GALNT17: variants seen among roughly 807,000 people sequenced by gnomAD.
GALNT17 encodes the protein UDP-GalNAc:polypeptide N-acetylgalactosaminyltransferase-like 3.
A neutral mutation model predicts 63.7 loss-of-function variants in GALNT17; 29 were observed. That is an observed-to-expected ratio of 0.46 (90% confidence interval 0.34 to 0.62). The LOEUF (loss-of-function observed/expected upper bound fraction) is 0.62. Among genes scored for constraint, GALNT17 ranks in the 20% least tolerant of loss-of-function variants. The pLI, the probability that GALNT17 is intolerant of heterozygous loss-of-function variation, is 0.01. For synonymous variants in GALNT17, 305 were observed against 318.3 expected (o/e 0.96, Z 0.45); for missense variants, 603 against 799.6 (o/e 0.75, Z 2.97).
intron 1 of GALNT17, among the ~76,000 whole-genome samples, chr7:71,237,590 T>A (rs180954363): frequency 1.3e-5 from 2 of 149,154 alleles, no homozygotes; most frequent in East Asian, 4.0e-4. Context: ...GAGGCTGACA[T>A]GGGAGGACTG....
At chr7:71,237,223 C>T (rs1302283046) in intron 1 of GALNT17, among the ~76,000 whole-genome samples, 1 of 152,088 alleles carries the variant, frequency 6.6e-6, no homozygotes, top group East Asian at 1.9e-4. Context: ...GTAGGCATTC[C>T]CCCGGCAAGT....
chr7:71,334,170 C>G (rs1791856979), intron 1 of GALNT17, among the ~76,000 whole-genome samples: 1 of 152,180 alleles, frequency 6.6e-6, no homozygotes, highest in African/African-American at 2.4e-5. Flanking sequence ...CTCGTTCAAC[C>G]TTTGCTTTTG....
chr7:71,586,294 T>G (rs994122972), intron 6 of GALNT17, among the ~76,000 whole-genome samples: 4 of 152,226 alleles, frequency 2.6e-5, no homozygotes, highest in Non-Finnish European at 5.9e-5. Flanking sequence ...TGTATCTGAC[T>G]TCTTTCAACT....
intron 1 of GALNT17, among the ~76,000 whole-genome samples, chr7:71,252,168 A>G (rs59927010): frequency 0.028 from 4,274 of 151,734 alleles, 206 homozygotes; most frequent in African/African-American, 0.098. Context: ...AAGCATTGCT[A>G]TAACAGAAGT....
chr7:71,668,583 G>C (rs1316751854), intron 7 of GALNT17, among the ~76,000 whole-genome samples: 1 of 144,764 alleles, frequency 6.9e-6, no homozygotes, highest in East Asian at 2.1e-4. Flanking sequence ...AGAGTTAAAA[G>C]TTACTGCTCA....
At chr7:71,565,542 C>T (rs1365274995) in intron 5 of GALNT17, among the ~76,000 whole-genome samples, 1 of 149,172 alleles carries the variant, frequency 6.7e-6, no homozygotes, top group African/African-American at 2.5e-5. Flanking sequence ...CCCTGATACC[C>T]AGTTGGTCCC....
At chr7:71,630,195 A>G (rs1246530000) in intron 6 of GALNT17, among the ~76,000 whole-genome samples, 2 of 152,168 alleles carry the variant, frequency 1.3e-5, no homozygotes, top group African/African-American at 4.8e-5. Context: ...GGTGTGAGCC[A>G]CTACACCAGG....
At chr7:71,638,396 A>C (rs1487002960) in intron 6 of GALNT17, among the ~76,000 whole-genome samples, 1 of 152,220 alleles carries the variant, frequency 6.6e-6, no homozygotes, top group Admixed American at 6.5e-5. Context: ...CCCATCCCCT[A>C]TTCAAGATGG....
At chr7:71,470,870 A>C (rs1336460345) in intron 5 of GALNT17, among the ~76,000 whole-genome samples, 1 of 152,100 alleles carries the variant, frequency 6.6e-6, no homozygotes, top group East Asian at 1.9e-4. Flanking sequence ...AAATTCATTA[A>C]ATTTGAGATG....
chr7:71,261,329 A>G (rs1233171816), intron 1 of GALNT17, among the ~76,000 whole-genome samples: 2 of 152,112 alleles, frequency 1.3e-5, no homozygotes, highest in East Asian at 3.9e-4. Context: ...GTGCTTGAGG[A>G]AGTTATTTGA....
At chr7:71,397,539 C>G (rs1280103523) in intron 3 of GALNT17, among the ~76,000 whole-genome samples, 1 of 152,120 alleles carries the variant, frequency 6.6e-6, no homozygotes, top group Non-Finnish European at 1.5e-5. Context: ...TATACTCATT[C>G]AGGCAATCCA....
chr7:71,613,548 G>A (rs1472353366), intron 6 of GALNT17, among the ~76,000 whole-genome samples: 1 of 152,160 alleles, frequency 6.6e-6, no homozygotes, highest in African/African-American at 2.4e-5. Flanking sequence ...GAGGACCAAT[G>A]AGCATAGAGA....
intron 5 of GALNT17, among the ~76,000 whole-genome samples, chr7:71,453,212 A>T (rs1167557499): frequency 6.6e-6 from 1 of 152,162 alleles, no homozygotes; most frequent in Non-Finnish European, 1.5e-5. Flanking sequence ...TTCATTTGGA[A>T]CATCATTCAT....
intron 1 of GALNT17, among the ~76,000 whole-genome samples, chr7:71,188,402 C>CT: frequency 6.6e-6 from 1 of 152,196 alleles, no homozygotes; most frequent in African/African-American, 2.4e-5. Flanking sequence ...TATTTTGTTA[C>CT]TTTTTTTGAT....
At chr7:71,267,810 C>A (rs913638329) in intron 1 of GALNT17, among the ~76,000 whole-genome samples, 1 of 152,084 alleles carries the variant, frequency 6.6e-6, no homozygotes, top group Admixed American at 6.5e-5. Context: ...GTATTCAGCC[C>A]AGCATGCATT....
chr7:71,370,653 A>C (rs1217046614), intron 2 of GALNT17, among the ~76,000 whole-genome samples: 1 of 151,960 alleles, frequency 6.6e-6, no homozygotes, highest in Non-Finnish European at 1.5e-5. Context: ...TTTTTAGTAG[A>C]GATGGGTTTT....
rs1562957669 is a variant in GALNT17 at position 71,265,116 on chromosome 7, A to ATT, written c.239-70433_239-70432insTT. On this transcript the variant is annotated intron_variant, in intron 1 of 10. Transcript: ENST00000333538. The stretch of plus-strand genomic sequence containing the variant: ...ATAAATATTATATATATATATATAT[A>ATT]TATTTTTTTTTTTTTTTTTTTTTTT... Among the ~76,000 whole-genome samples the ATT allele has an allele frequency of 1.5e-3, 89 of 59,022 alleles. 1 individual carries two copies. The highest frequency in any genetic ancestry group is 5.3e-3 in the African/African-American group (77 of 14,622). 38.7% of individuals were successfully genotyped at this position (59,022 alleles called of 152,430 possible).
At chr7:71,396,023 T>C (rs533801796) in intron 3 of GALNT17, among the ~76,000 whole-genome samples, 22 of 152,344 alleles carry the variant, frequency 1.4e-4, no homozygotes, top group Non-Finnish European at 2.8e-4. Flanking sequence ...CAACCAATTT[T>C]TGCAAATATG....
chr7:71,423,497 G>A (rs576591124), intron 5 of GALNT17, among the ~76,000 whole-genome samples: 126 of 152,268 alleles, frequency 8.3e-4, no homozygotes, highest in African/African-American at 2.8e-3. Context: ...ACCTGGGCTC[G>A]GTTTTAGGGG....
Sources: allele counts gnomAD v4.1 joint callset (sites outside exome capture counted in the v4.1 genomes callset), GRCh38; gene constraint gnomAD v4.1.1; transcripts MANE v1.5; gene names NCBI Gene and HGNC (gene_info 2026-07-23, HGNC 2026-07-21).